Variants in TSPAN9 observed in about 807,000 individuals in gnomAD.
The protein encoded by TSPAN9 is tetraspanin 9.
TSPAN9 carries 16 observed loss-of-function variants against 31.0 expected under a neutral mutation model. The ratio of observed to expected loss-of-function variants is 0.52; its 90% CI spans 0.35 to 0.78. The LOEUF (loss-of-function observed/expected upper bound fraction) is 0.78. TSPAN9 is among the 30% of genes least tolerant of loss of function. The probability of loss-of-function intolerance (pLI) is 0.01; values close to 1 mark genes in which losing one functional copy is unlikely to be tolerated. For synonymous variants in TSPAN9, 145 were observed against 121.6 expected, an observed-to-expected ratio of 1.19 and a Z score of -1.27; for missense variants, 272 against 312.5, an observed-to-expected ratio of 0.87 and a Z score of 0.98.
chr12:3,170,301 G>A lies in TSPAN9; in HGVS notation c.-17-30876G>A, dbSNP rs890809241. On this transcript the variant is annotated intron_variant, in intron 2 of 8. Coordinates refer to ENST00000011898, the MANE Select transcript of TSPAN9 (RefSeq NM_006675.5). The surrounding 1 kb of genome is among the most constrained non-coding windows in gnomAD (Gnocchi z 4.4). ...AGTATTTTCCTTCCTTTTCCATGGA[G>A]ACAGATTTTGCAGTTACTCCAGTTT... 2.0e-5 allele frequency among the ~76,000 whole-genome samples: 3 copies of A among 152,136 alleles called. No individual in the cohort carries two copies. The highest frequency in any genetic ancestry group is 7.2e-5 in the African/African-American group (3 of 41,420).
chr12:3,254,623 G>C (rs1862311583), intron 3 of TSPAN9, among the ~76,000 whole-genome samples: 1 of 152,198 alleles, frequency 6.6e-6, no homozygotes, highest in Non-Finnish European at 1.5e-5. Flanking sequence ...CCAGGCACCA[G>C]GCACTGCTTC....
intron 2 of TSPAN9, among the ~76,000 whole-genome samples, chr12:3,142,154 G>A (rs549878757): frequency 6.6e-6 from 1 of 152,138 alleles, no homozygotes; most frequent in South Asian, 2.1e-4. Flanking sequence ...GATTGTCACC[G>A]CTCTGCCTGA....
intron 3 of TSPAN9, among the ~76,000 whole-genome samples, chr12:3,255,943 G>T (rs1187987711): frequency 2.0e-5 from 3 of 152,186 alleles, no homozygotes; most frequent in Admixed American, 6.5e-5. Context: ...GTATGCTTGT[G>T]AGTTTTCTTG....
intron 3 of TSPAN9, among the ~76,000 whole-genome samples, chr12:3,243,950 G>C (rs1339788071): frequency 6.6e-6 from 1 of 152,200 alleles, no homozygotes; most frequent in Non-Finnish European, 1.5e-5. Context: ...GCATTCCTGG[G>C]AACCAGGGCT....
intron 2 of TSPAN9, among the ~76,000 whole-genome samples, chr12:3,191,281 C>T (rs2098364280): frequency 6.6e-6 from 1 of 152,106 alleles, no homozygotes; most frequent in South Asian, 2.1e-4. Flanking sequence ...CTCTGGCCCA[C>T]CCTCCTTTCA....
intron 2 of TSPAN9, among the ~76,000 whole-genome samples, chr12:3,127,788 T>C (rs11062518): frequency 6.6e-6 from 1 of 152,216 alleles, no homozygotes; most frequent in South Asian, 2.1e-4. Flanking sequence ...GTATGTGCTG[T>C]GGTAGACATA....
At chr12:3,249,252 G>A (rs934440866) in intron 3 of TSPAN9, among the ~76,000 whole-genome samples, 2 of 152,076 alleles carry the variant, frequency 1.3e-5, no homozygotes, top group Non-Finnish European at 2.9e-5. Context: ...CAGGCACCCC[G>A]CGGGTGGTCA....
chr12:3,234,816 A>G (rs1200930814), intron 3 of TSPAN9, among the ~76,000 whole-genome samples: 1 of 152,128 alleles, frequency 6.6e-6, no homozygotes, highest in Non-Finnish European at 1.5e-5. Context: ...AGCAGAAGGC[A>G]GTAGTAAACA....
intron 1 of TSPAN9, among the ~76,000 whole-genome samples, chr12:3,079,167 T>C (rs2098296577): frequency 6.6e-6 from 1 of 152,150 alleles, no homozygotes. Flanking sequence ...TTAGTAGAGA[T>C]GAGGTTTTGC....
intron 2 of TSPAN9, among the ~76,000 whole-genome samples, chr12:3,198,475 AC>A (rs2098368689): frequency 9.2e-6 from 1 of 109,134 alleles, no homozygotes; most frequent in Non-Finnish European, 1.8e-5. Context: ...AGCACAGGCC[AC>A]CACCAGCACA....
intron 3 of TSPAN9, among the ~76,000 whole-genome samples, chr12:3,220,285 G>C (rs113106512): frequency 3.3e-5 from 5 of 152,206 alleles, no homozygotes; most frequent in African/African-American, 9.7e-5. Flanking sequence ...CCTTATGTCT[G>C]ACTGATTCCA....
In TSPAN9 at chr12:3,143,513, G is replaced by C. The variant is rs550899876; in HGVS notation, c.-17-57664G>C. Among the ~76,000 whole-genome samples the C allele has an allele frequency of 3.3e-5, 5 of 151,936 alleles. No homozygotes were observed. In the South Asian group the frequency reaches 1.0e-3, roughly 32 times the overall value. On this transcript the variant is annotated intron_variant, in intron 2 of 8. Coordinates refer to ENST00000011898, the MANE Select transcript of TSPAN9 (RefSeq NM_006675.5). This position sits in a 1 kb window ranked among gnomAD's most constrained non-coding sequence, Gnocchi z 4.2. ...CCAAGAAGGAAGAGCTATTTCTTCT[G>C]TCCCACTTATTTATTCAATTAGTTA...
rs542050841 is a variant in TSPAN9 at position 3,117,806 on chromosome 12, G to A, written c.-18+34087G>A. Reference sequence around the variant, plus strand: ...CAGGAGAATTCTGGCCTGATTTAGGGGGTTGGAGCAGTTGTCCAATCCCCT... The same window carrying A: ...CAGGAGAATTCTGGCCTGATTTAGGAGGTTGGAGCAGTTGTCCAATCCCCT... On this transcript the variant is annotated intron_variant, in intron 2 of 8. Transcript: ENST00000011898. Among the ~76,000 whole-genome samples, 4 of 152,292 alleles carry A rather than the reference G, an allele frequency of 2.6e-5. No homozygotes were observed. The South Asian group carries it at 8.3e-4, about 32-fold the overall frequency.
chr12:3,242,789 T>A (rs973778110), intron 3 of TSPAN9, among the ~76,000 whole-genome samples: 1 of 152,234 alleles, frequency 6.6e-6, no homozygotes, highest in Non-Finnish European at 1.5e-5. Context: ...CCTAGCCACC[T>A]GCTGATCTCC....
chr12:3,177,063 C>T (rs1488969827), intron 2 of TSPAN9, among the ~76,000 whole-genome samples: 3 of 151,904 alleles, frequency 2.0e-5, no homozygotes, highest in East Asian at 1.9e-4. Context: ...CCAGGAGATG[C>T]GCCACACTCT....
At chr12:3,260,343 G>A (rs1862425585) in intron 3 of TSPAN9, among the ~76,000 whole-genome samples, 1 of 152,252 alleles carries the variant, frequency 6.6e-6, no homozygotes, top group Admixed American at 6.5e-5. Flanking sequence ...ATGCAGGTTT[G>A]TTCCCAGTGG....
intron 3 of TSPAN9, among the ~76,000 whole-genome samples, chr12:3,268,364 C>CAGGAACACAGAGAGGGCAGG: frequency 7.6e-6 from 1 of 132,364 alleles, no homozygotes; most frequent in Middle Eastern, 4.5e-3. Flanking sequence ...CTGCAGCCTG[C>CAGGAACACAGAGAGGGCAGG]CCTCTCTGTG....
At chr12:3,118,652 C>T (rs1172087728) in intron 2 of TSPAN9, among the ~76,000 whole-genome samples, 3 of 151,946 alleles carry the variant, frequency 2.0e-5, no homozygotes, top group Non-Finnish European at 2.9e-5. Context: ...CAGCTCAGCC[C>T]CACTGCACCT....
chr12:3,275,844 C>T (rs1862775243), intron 3 of TSPAN9, among the ~76,000 whole-genome samples: 1 of 152,266 alleles, frequency 6.6e-6, no homozygotes, highest in Non-Finnish European at 1.5e-5. Flanking sequence ...CCTGCAGCTC[C>T]TTGCACTGTC....
Sources: allele counts gnomAD v4.1 joint callset (sites outside exome capture counted in the v4.1 genomes callset), GRCh38; gene constraint gnomAD v4.1.1; non-coding constraint Gnocchi (gnomAD v3.1); transcripts MANE v1.5; gene names NCBI Gene and HGNC (gene_info 2026-07-23, HGNC 2026-07-21).